The following CDH5 variants were observed in gnomAD, a reference collection of about 807,000 sequenced individuals.
The protein encoded by CDH5 is cadherin 5, also known as cadherin-5.
In CDH5, 28 loss-of-function variants were observed where a neutral mutation model predicts 62.0. That is an observed-to-expected ratio of 0.45 (90% CI 0.33 to 0.62). The LOEUF (loss-of-function observed/expected upper bound fraction) is 0.62, where lower values mean the gene tolerates loss of function less well. CDH5 is among the 20% of genes least tolerant of loss of function. The pLI is 0.02. For missense variants in CDH5, 940 were observed against 1,065.1 expected, an observed-to-expected ratio of 0.88 and a Z score of 1.63; for synonymous variants, 464 against 445.8, an observed-to-expected ratio of 1.04 and a Z score of -0.52.
At chr16:66,369,944 C>T (rs1001773266) in intron 1 of CDH5, among the ~76,000 whole-genome samples, 4 of 152,054 alleles carry the variant, frequency 2.6e-5, no homozygotes, top group African/African-American at 9.7e-5. Flanking sequence ...TAAGAGGTGC[C>T]CTGCTCAGGG....
chr16:66,373,643 C>T (rs1267361444), intron 1 of CDH5, among the ~76,000 whole-genome samples: 1 of 152,106 alleles, frequency 6.6e-6, no homozygotes, highest in Non-Finnish European at 1.5e-5. Context: ...TCTCGAACTC[C>T]TGACCTCAAG....
At chr16:66,391,718 A>T (rs913761488) in intron 6 of CDH5, among the ~76,000 whole-genome samples, 2 of 152,204 alleles carry the variant, frequency 1.3e-5, no homozygotes, top group African/African-American at 4.8e-5. Flanking sequence ...AGTTGTAGTG[A>T]GCGGAGGTCG....
At chr16:66,392,426 C>G (rs775513348) in intron 7 of CDH5, 43 bp downstream of exon 7, 1 of 1,607,454 alleles carries the variant, frequency 6.2e-7, no homozygotes, top group Non-Finnish European at 8.5e-7. Context: ...GACAATCCGG[C>G]CTGGATGTTC....
At chr16:66,378,647 G>A (rs1483082705) in intron 1 of CDH5, among the ~76,000 whole-genome samples, 1 of 152,198 alleles carries the variant, frequency 6.6e-6, no homozygotes, top group Non-Finnish European at 1.5e-5. Context: ...CTTAGGAGCT[G>A]CCATTGGCAT....
chr16:66,402,766 G>A lies in CDH5; in HGVS notation c.1952G>A (p.Gly651Asp), dbSNP rs146053762. Residue 651 changes from glycine to aspartate, a missense_variant, in exon 12 of 12, where the codon GGC becomes GAC. Physicochemically the swap from Gly to Asp is moderately conservative, Grantham distance 94. Transcript: ENST00000341529. The stretch of plus-strand genomic sequence containing the variant: ...GTCACCTACGACGAGGAGGGCGGCG[G>A]CGAGATGGACACCACCAGCTACGAT... ...QLVTYDEEGG[G>D]EMDTTSYDVS... 3 of 1,607,918 alleles carry A rather than the reference G, an allele frequency of 1.9e-6. No homozygotes were observed. The highest frequency in any genetic ancestry group is 2.7e-5 in the African/African-American group (2 of 74,824).
At chr16:66,386,258 C>T (rs1960980805) in intron 2 of CDH5, among the ~76,000 whole-genome samples, 1 of 151,546 alleles carries the variant, frequency 6.6e-6, no homozygotes, top group South Asian at 2.1e-4. Flanking sequence ...GGTGACTAGT[C>T]AGAGGTTCTT....
At chr16:66,386,511 T>C (rs1239672835) in intron 2 of CDH5, among the ~76,000 whole-genome samples, 1 of 152,192 alleles carries the variant, frequency 6.6e-6, no homozygotes, top group Non-Finnish European at 1.5e-5. Context: ...CTCCTACTTA[T>C]AAGTGAGAAT....
At position 66,403,962 on chromosome 16, in the gene CDH5, C is replaced by G. The variant is rs530194233; in HGVS notation, c.*793C>G. 6.5e-6 allele frequency: 1 copy of G among 152,790 alleles called. No individual in the cohort carries two copies. 9.5% of individuals were successfully genotyped at this position (152,790 alleles called of 1,614,324 possible). On this transcript the variant is annotated 3_prime_UTR_variant, in exon 12 of 12. Coordinates refer to ENST00000341529, the MANE Select transcript of CDH5 (RefSeq NM_001795.5). The surrounding 1 kb of genome is among the most constrained non-coding windows in gnomAD (Gnocchi z 4.3). ...GTGAGGGCCACCTCCACACCCACCCCCTCTGGAGAAGGCCTGGAAGAGCTG... is the reference window on the plus strand; with the variant it reads ...GTGAGGGCCACCTCCACACCCACCCGCTCTGGAGAAGGCCTGGAAGAGCTG...
chr16:66,380,751 AGGT>A (rs1220752079), intron 2 of CDH5, among the ~76,000 whole-genome samples: 2 of 147,572 alleles, frequency 1.4e-5, no homozygotes, highest in African/African-American at 2.5e-5. Flanking sequence ...GTAAAGGGGA[AGGT>A]GGTGGTTGTG....
At chr16:66,396,621 T>A (rs1596945170) in intron 8 of CDH5, among the ~76,000 whole-genome samples, 3 of 152,166 alleles carry the variant, frequency 2.0e-5, no homozygotes, top group African/African-American at 7.2e-5. Context: ...CATGGCTGTT[T>A]GGGAAATGTT....
At chr16:66,388,240 C>G in intron 3 of CDH5, 84 bp from the exon 4 acceptor site, 1 of 849,544 alleles carries the variant, frequency 1.2e-6, no homozygotes, top group Admixed American at 1.8e-5. Flanking sequence ...AGAGCACAGC[C>G]TGAGCCCCAT....
rs781141797 is a variant in CDH5 at position 66,392,376 on chromosome 16, A to G, written c.1210A>G (p.Ser404Gly). The G allele has an allele frequency of 2.5e-6, 4 of 1,614,170 alleles. No homozygotes were observed. Among genetic ancestry groups the G allele is most frequent in the East Asian group, 2.2e-5 (1 of 44,876 alleles). The change falls in exon 7 of 12, where the codon AGC becomes GGC. Residue 404 changes from serine to glycine, a missense_variant. Transcript: ENST00000341529. ...LAMDPDAARHSIGYSIRRTSD... is the reference protein window; with the variant it reads ...LAMDPDAARHGIGYSIRRTSD... ...CATGGACCCTGATGCGGCTAGGCAT[A>G]GCATTGGGTAAGGGGGCGTGTGTCG...
chr16:66,391,882 A>T (rs765446844), intron 6 of CDH5, among the ~76,000 whole-genome samples: 1 of 152,228 alleles, frequency 6.6e-6, no homozygotes, highest in Non-Finnish European at 1.5e-5. Context: ...CGCTGGAAAT[A>T]GGGCCAGGCA....
intron 1 of CDH5, among the ~76,000 whole-genome samples, chr16:66,371,415 G>A (rs1244156329): frequency 1.3e-5 from 2 of 152,134 alleles, no homozygotes; most frequent in Admixed American, 1.3e-4. Flanking sequence ...CAGGCCTCTG[G>A]GCTGGAGTCC....
chr16:66,379,237 T>G, intron 1 of CDH5, 82 bp from the exon 2 acceptor site: 1 of 995,890 alleles, frequency 1.0e-6, no homozygotes, highest in Non-Finnish European at 1.5e-6. Flanking sequence ...TATATCTAGC[T>G]GCTCTTATGT....
chr16:66,387,107 A>G lies in CDH5; in HGVS notation c.499+10A>G, dbSNP rs767029965. 3.7e-6 allele frequency: 6 copies of G among 1,605,764 alleles called. No homozygotes were observed. Among genetic ancestry groups the G allele is most frequent in the African/African-American group, 1.3e-5 (1 of 74,918 alleles). ...GAGTCGTCGGCTGTGGGTACGTTGC[A>G]TGCCCACTCTGTCCTCCTCCCTCCC... On this transcript the variant is annotated intron_variant, in intron 3 of 11. Transcript: ENST00000341529.
chr16:66,371,430 G>A (rs1341649052), intron 1 of CDH5, among the ~76,000 whole-genome samples: 1 of 152,136 alleles, frequency 6.6e-6, no homozygotes, highest in Non-Finnish European at 1.5e-5. Flanking sequence ...GAGTCCAGAG[G>A]CTGCAGGAGG....
At chr16:66,395,201 T>C (rs1184461088) in intron 7 of CDH5, among the ~76,000 whole-genome samples, 1 of 151,420 alleles carries the variant, frequency 6.6e-6, no homozygotes, top group Non-Finnish European at 1.5e-5. Flanking sequence ...TGCCTTCTAA[T>C]AACACCTAGA....
chr16:66,402,467 G>A lies in CDH5; in HGVS notation c.1838-185G>A, dbSNP rs547529484. On this transcript the variant is annotated intron_variant, in intron 11 of 11. Coordinates refer to ENST00000341529, the MANE Select transcript of CDH5 (RefSeq NM_001795.5). ...GGGGATGGGGGTATGGGGGAACGGC[G>A]GGGATGGGGTTGCAGGGGAAGGGGG... Among the ~76,000 whole-genome samples, 70 of 123,156 alleles carry A rather than the reference G, an allele frequency of 5.7e-4. 1 individual carries two copies. In the Middle Eastern group the frequency reaches 0.012, roughly 21 times the overall value. The allele number at this position is 123,156 out of a possible 152,430, so 80.8% of individuals were successfully genotyped here. A position where few individuals can be genotyped will look rare whatever the true frequency, so the allele number is the denominator to read the frequency against.
Sources: gnomAD v4.1 joint callset for allele counts (sites outside exome capture counted in the v4.1 genomes callset) on GRCh38, gnomAD v4.1.1 for gene constraint, Gnocchi (gnomAD v3.1) non-coding constraint, MANE v1.5 for transcripts, NCBI Gene and HGNC (gene_info 2026-07-23, HGNC 2026-07-21) for gene names.